ADGRL2: variants seen among roughly 807,000 people sequenced by gnomAD.
ADGRL2 encodes calcium-independent alpha-latrotoxin receptor 2.
In ADGRL2, 44 loss-of-function variants were observed where a neutral mutation model predicts 157.4. The ratio of observed to expected loss-of-function variants is 0.28; its 90% CI spans 0.22 to 0.36. ADGRL2 has a LOEUF of 0.36. Among genes scored for constraint, ADGRL2 ranks in the 10% least tolerant of loss-of-function variants. The pLI is 1.00. For missense variants in ADGRL2, 1,510 were observed against 1,768.9 expected (o/e 0.85, Z 2.63); for synonymous variants, 585 against 624.7 (o/e 0.94, Z 0.95).
At chr1:81,926,587 C>A (rs1383145501) in intron 3 of ADGRL2, among the ~76,000 whole-genome samples, 1 of 151,906 alleles carries the variant, frequency 6.6e-6, no homozygotes, top group Non-Finnish European at 1.5e-5. Flanking sequence ...TTAAGTGATA[C>A]AGGTTGTAAT....
Position 81,438,939 on chromosome 1 carries a change from TC to T in ADGRL2, c.-301-6096del, listed in dbSNP as rs1199350240. The stretch of plus-strand genomic sequence containing the variant: ...AGGGCCCTCAAATCTGGAGTGCTCT[TC>T]TTTTTCCTCTTTGTCCTGCTAACTT... On this transcript the variant is annotated intron_variant, in intron 1 of 24. Coordinates refer to the ADGRL2 transcript ENST00000370721. 2.6e-5 allele frequency among the ~76,000 whole-genome samples: 4 copies of T among 152,274 alleles called. No individual in the cohort carries two copies. In the East Asian group the frequency reaches 7.7e-4, roughly 29 times the overall value.
chr1:81,502,392 G>A (rs2078872850), intron 2 of ADGRL2: 8 of 1,613,990 alleles, frequency 5.0e-6, no homozygotes, highest in East Asian at 2.2e-5. Context: ...GAGATCTCTC[G>A]AGATTTTGCC....
At chr1:81,664,616 C>A (rs1456274926) in intron 3 of ADGRL2, among the ~76,000 whole-genome samples, 1 of 152,146 alleles carries the variant, frequency 6.6e-6, no homozygotes, top group Admixed American at 6.5e-5. Context: ...CCTTGCTTAC[C>A]AGATAGTGAT....
At chr1:81,700,745 C>A (rs1471113835) in intron 1 of ADGRL2, among the ~76,000 whole-genome samples, 1 of 152,160 alleles carries the variant, frequency 6.6e-6, no homozygotes, top group African/African-American at 2.4e-5. Context: ...CATAAGAACA[C>A]CCAGCCATTG....
At chr1:81,324,572 T>C (rs1660759067) in intron 1 of ADGRL2, among the ~76,000 whole-genome samples, 1 of 149,682 alleles carries the variant, frequency 6.7e-6, no homozygotes, top group Non-Finnish European at 1.5e-5. Flanking sequence ...TATATATAAA[T>C]TATATATGTT....
At chr1:81,444,406 T>A (rs563253126) in intron 1 of ADGRL2, among the ~76,000 whole-genome samples, 1 of 152,324 alleles carries the variant, frequency 6.6e-6, no homozygotes, top group South Asian at 2.1e-4. Flanking sequence ...ACATGTAAAA[T>A]GTTTCTTCAG....
At chr1:81,758,243 T>C (rs1002197974) in intron 1 of ADGRL2, among the ~76,000 whole-genome samples, 1 of 152,130 alleles carries the variant, frequency 6.6e-6, no homozygotes, top group Admixed American at 6.6e-5. Context: ...TTGAGGATGG[T>C]GCCAAAATCT....
At chr1:81,837,965 T>A (rs992331049) in intron 2 of ADGRL2, among the ~76,000 whole-genome samples, 1 of 151,946 alleles carries the variant, frequency 6.6e-6, no homozygotes, top group African/African-American at 2.4e-5. Flanking sequence ...CTCTGAGAAA[T>A]GCATATAAAT....
chr1:81,509,821 G>A (rs994520564), intron 2 of ADGRL2, among the ~76,000 whole-genome samples: 1 of 152,160 alleles, frequency 6.6e-6, no homozygotes, highest in African/African-American at 2.4e-5. Context: ...CAAACAGGAG[G>A]AACTTGTTCA....
chr1:81,665,558 C>T (rs2082735661), intron 3 of ADGRL2, among the ~76,000 whole-genome samples: 1 of 152,234 alleles, frequency 6.6e-6, no homozygotes, highest in African/African-American at 2.4e-5. Flanking sequence ...GGTCTCCTAC[C>T]TCCATGGCTC....
chr1:81,644,704 C>T (rs1401785701), intron 3 of ADGRL2, among the ~76,000 whole-genome samples: 5 of 152,216 alleles, frequency 3.3e-5, no homozygotes. Context: ...AAACTATGGA[C>T]TCCCGGTGAT....
At chr1:81,881,188 A>C (rs2151212665) in intron 2 of ADGRL2, among the ~76,000 whole-genome samples, 1 of 152,102 alleles carries the variant, frequency 6.6e-6, no homozygotes, top group Admixed American at 6.5e-5. Flanking sequence ...ATTTTATTTT[A>C]TTTTTGAGAC....
Position 81,910,268 on chromosome 1 carries a change from T to C in ADGRL2, c.287+3038T>C, listed in dbSNP as rs1226710453. ...ACAATAATAATAATAATAATAATAA[T>C]AATAATACTACAATTGAGAAAGGTA... On this transcript the variant is annotated intron_variant, in intron 3 of 23. Transcript: ENST00000686636. Among the ~76,000 whole-genome samples, 3 of 149,770 alleles carry C rather than the reference T, an allele frequency of 2.0e-5. No homozygotes were observed. The Admixed American group carries it at 2.0e-4, about 10-fold the overall frequency.
At chr1:81,306,327 A>T (rs1659336540) in exon 1 of ADGRL2, 1 of 152,242 alleles carries the variant, frequency 6.6e-6, no homozygotes, top group African/African-American at 2.4e-5. Flanking sequence ...GTTCACAGAG[A>T]GGACTCAGCT....
intron 1 of ADGRL2, among the ~76,000 whole-genome samples, chr1:81,400,722 T>A (rs1388273251): frequency 6.6e-6 from 1 of 152,082 alleles, no homozygotes; most frequent in Non-Finnish European, 1.5e-5. Context: ...TGGACACAGC[T>A]GTCTTTTGGG....
intron 3 of ADGRL2, among the ~76,000 whole-genome samples, chr1:81,593,537 T>C (rs1290484145): frequency 2.0e-5 from 3 of 152,212 alleles, no homozygotes; most frequent in African/African-American, 7.2e-5. Flanking sequence ...TTGCTGATGT[T>C]CCATTATTTG....
intron 3 of ADGRL2, among the ~76,000 whole-genome samples, chr1:81,631,695 T>C (rs534634789): frequency 2.6e-5 from 4 of 152,176 alleles, no homozygotes; most frequent in Non-Finnish European, 5.9e-5. Context: ...TTAAGAAACA[T>C]TGGTTTAATA....
intron 1 of ADGRL2, among the ~76,000 whole-genome samples, chr1:81,318,380 T>G (rs1050500351): frequency 1.3e-5 from 2 of 152,196 alleles, no homozygotes; most frequent in Non-Finnish European, 2.9e-5. Context: ...AAGTGAAGTC[T>G]AAAGTCAGGC....
chr1:81,346,263 CAG>C (rs539055938), intron 1 of ADGRL2, among the ~76,000 whole-genome samples: 302 of 152,272 alleles, frequency 2.0e-3, no homozygotes, highest in African/African-American at 7.0e-3. Flanking sequence ...AGAAATAAGT[CAG>C]AGTCACATTT....
Sources: allele counts gnomAD v4.1 joint callset (sites outside exome capture counted in the v4.1 genomes callset), GRCh38; gene constraint gnomAD v4.1.1; transcripts MANE v1.5; gene names NCBI Gene and HGNC (gene_info 2026-07-23, HGNC 2026-07-21).